The following FAM110B variants were observed in gnomAD, a reference collection of about 807,000 sequenced individuals.
The protein encoded by FAM110B is protein FAM110B.
In FAM110B, 6 loss-of-function variants were observed where a neutral mutation model predicts 20.4. That is an observed-to-expected ratio of 0.29 (90% CI 0.16 to 0.58). FAM110B has a LOEUF of 0.58. FAM110B is among the 20% of genes least tolerant of loss of function. The pLI, the probability that FAM110B is intolerant of heterozygous loss-of-function variation, is 0.90. For synonymous variants in FAM110B, 226 were observed against 214.1 expected (o/e 1.06, Z -0.49); for missense variants, 434 against 498.2 (o/e 0.87, Z 1.23).
At chr8:58,143,671 T>C (rs1323902170) in intron 3 of FAM110B, among the ~76,000 whole-genome samples, 2 of 152,250 alleles carry the variant, frequency 1.3e-5, no homozygotes, top group Non-Finnish European at 2.9e-5. Context: ...TTCCTCACTC[T>C]TGTGAATCGA....
At chr8:58,004,049 A>AGG (rs1230176927) in intron 1 of FAM110B, among the ~76,000 whole-genome samples, 18 of 147,120 alleles carry the variant, frequency 1.2e-4, no homozygotes, top group African/African-American at 4.2e-4. Flanking sequence ...GGGGTGGGGG[A>AGG]GGGGGATGGT....
chr8:58,077,865 C>T (rs1806076986), intron 3 of FAM110B, among the ~76,000 whole-genome samples: 1 of 152,278 alleles, frequency 6.6e-6, no homozygotes, highest in South Asian at 2.1e-4. Context: ...GGGTTGCAGG[C>T]GTAAATCCTA....
chr8:58,071,194 A>G (rs1805889194), intron 2 of FAM110B, among the ~76,000 whole-genome samples: 1 of 152,244 alleles, frequency 6.6e-6, no homozygotes, highest in African/African-American at 2.4e-5. Flanking sequence ...AAAGAAAAAT[A>G]TTTAAATGGG....
At chr8:58,000,249 T>C (rs1014431983) in intron 1 of FAM110B, among the ~76,000 whole-genome samples, 1 of 151,982 alleles carries the variant, frequency 6.6e-6, no homozygotes, top group Non-Finnish European at 1.5e-5. Flanking sequence ...GGGGTTGGGG[T>C]GGAGTGTTTC....
At chr8:58,051,072 A>G (rs1203702186) in intron 2 of FAM110B, among the ~76,000 whole-genome samples, 1 of 152,206 alleles carries the variant, frequency 6.6e-6, no homozygotes, top group Non-Finnish European at 1.5e-5. Context: ...TACAGTCAGT[A>G]GGGCTGAGGG....
At chr8:58,089,271 T>C (rs757931073) in intron 3 of FAM110B, among the ~76,000 whole-genome samples, 10 of 152,202 alleles carry the variant, frequency 6.6e-5, no homozygotes, top group Admixed American at 1.3e-4. Context: ...AACCTTGTCA[T>C]TTGAATTGGG....
intron 2 of FAM110B, among the ~76,000 whole-genome samples, chr8:58,047,641 A>AT (rs1396023939): frequency 5.6e-5 from 4 of 71,854 alleles, no homozygotes; most frequent in Admixed American, 1.3e-4. Context: ...TCTCTGACTT[A>AT]TATAAATCAA....
intron 1 of FAM110B, among the ~76,000 whole-genome samples, chr8:58,024,732 C>A (rs966895748): frequency 4.6e-5 from 7 of 152,140 alleles, no homozygotes; most frequent in African/African-American, 1.7e-4. Context: ...CTCACAGTGA[C>A]CCTTGCAGGA....
intron 2 of FAM110B, among the ~76,000 whole-genome samples, chr8:58,041,989 T>C (rs1805229192): frequency 6.6e-6 from 1 of 152,224 alleles, no homozygotes; most frequent in South Asian, 2.1e-4. Context: ...GATAGAGCCT[T>C]TGGTACAGTG....
At chr8:57,999,296 T>C (rs1020491265) in intron 1 of FAM110B, among the ~76,000 whole-genome samples, 11 of 152,208 alleles carry the variant, frequency 7.2e-5, no homozygotes, top group Non-Finnish European at 1.2e-4. Flanking sequence ...CTGTGGTATG[T>C]TTTATACATC....
intron 1 of FAM110B, among the ~76,000 whole-genome samples, chr8:58,024,304 T>C (rs1390580462): frequency 6.6e-6 from 1 of 151,984 alleles, no homozygotes; most frequent in Non-Finnish European, 1.5e-5. Context: ...AGGAGCATTA[T>C]AGAGAGGGGA....
At chr8:58,019,422 C>G (rs1804704529) in intron 1 of FAM110B, among the ~76,000 whole-genome samples, 1 of 150,762 alleles carries the variant, frequency 6.6e-6, no homozygotes, top group Admixed American at 6.6e-5. Flanking sequence ...TGTATAAATC[C>G]ACACATTTGC....
At position 57,997,335 on chromosome 8, in the gene FAM110B, A is replaced by G. The variant is rs527824611; in HGVS notation, c.-512+2529A>G. ...TTTAAATTTGTACTTTATATGTTCA[A>G]CATTTGTAGACTATTGGCCATTTTT... On this transcript the variant is annotated intron_variant, in intron 1 of 3. Coordinates refer to ENST00000519262, the MANE Select transcript of FAM110B (RefSeq NM_001377989.1). 5.6e-4 allele frequency among the ~76,000 whole-genome samples: 85 copies of G among 152,334 alleles called. 1 individual carries two copies. Among genetic ancestry groups the G allele is most frequent in the Non-Finnish European group, 9.3e-4 (63 of 68,038 alleles).
intron 3 of FAM110B, among the ~76,000 whole-genome samples, chr8:58,087,310 C>T (rs1020712061): frequency 6.6e-6 from 1 of 152,204 alleles, no homozygotes. Context: ...CTGTCTGTGA[C>T]TTAGATCGGT....
intron 1 of FAM110B, 45 bp from the exon 2 acceptor site, chr8:58,031,561 T>G (rs1344918191): frequency 1.3e-5 from 2 of 152,214 alleles, no homozygotes; most frequent in Non-Finnish European, 2.9e-5. Flanking sequence ...TTTAATCACT[T>G]TTATTCTCCA....
chr8:58,061,903 A>G (rs376102150), intron 2 of FAM110B, among the ~76,000 whole-genome samples: 3 of 152,348 alleles, frequency 2.0e-5, no homozygotes, highest in South Asian at 4.1e-4. Flanking sequence ...TAAAGCATAC[A>G]TTGTTAACCC....
At chr8:58,101,084 G>C (rs1806768252) in intron 3 of FAM110B, 2 of 152,088 alleles carry the variant, frequency 1.3e-5, no homozygotes, top group Admixed American at 1.3e-4. Flanking sequence ...GGCTGAGGCA[G>C]GAGAATGGCG....
chr8:58,013,641 C>G (rs10957029), intron 1 of FAM110B, among the ~76,000 whole-genome samples: 74,193 of 152,006 alleles, frequency 0.49, 19,114 homozygotes, highest in African/African-American at 0.65. Context: ...AGTGGGGCTG[C>G]ACAGTCATCT....
intron 3 of FAM110B, among the ~76,000 whole-genome samples, chr8:58,089,721 G>A (rs1161682645): frequency 6.6e-6 from 1 of 152,174 alleles, no homozygotes; most frequent in Non-Finnish European, 1.5e-5. Context: ...TTACTTCTGA[G>A]TTAGTTATTG....
Sources: gnomAD v4.1 joint callset for allele counts (sites outside exome capture counted in the v4.1 genomes callset) on GRCh38, gnomAD v4.1.1 for gene constraint, MANE v1.5 for transcripts, NCBI Gene and HGNC (gene_info 2026-07-23, HGNC 2026-07-21) for gene names.